Variants in CFAP54 observed in about 807,000 individuals in gnomAD.
CFAP54 encodes cilia- and flagella-associated protein 54.
CFAP54 carries 290 observed loss-of-function variants against 370.4 expected under a neutral mutation model. The observed-to-expected ratio is 0.78, with a 90% CI of 0.71 to 0.86. The LOEUF is 0.86. Among genes scored for constraint, CFAP54 ranks in the 40% least tolerant of loss-of-function variants. CFAP54 has a pLI of 0.00. For synonymous variants in CFAP54, 1,206 were observed against 1,236.5 expected, an observed-to-expected ratio of 0.98 and a Z score of 0.52; for missense variants, 3,399 against 3,528.7, an observed-to-expected ratio of 0.96 and a Z score of 0.93.
At chr12:96,646,322 A>T (rs995761408) in intron 33 of CFAP54, 5 of 152,362 alleles carry the variant, frequency 3.3e-5, no homozygotes, top group East Asian at 1.9e-4. Context: ...GAATACATTT[A>T]TGCAGCCAAA....
chr12:96,725,605 A>G (rs1252734627), intron 50 of CFAP54, among the ~76,000 whole-genome samples: 1 of 152,210 alleles, frequency 6.6e-6, no homozygotes, highest in Non-Finnish European at 1.5e-5. Context: ...TAGATATACA[A>G]TCATGTCATC....
At chr12:96,866,772 C>G (rs1402256902) in intron 67 of CFAP54, among the ~76,000 whole-genome samples, 1 of 152,040 alleles carries the variant, frequency 6.6e-6, no homozygotes, top group Non-Finnish European at 1.5e-5. Context: ...AATAAGTTAC[C>G]CAGAAGTCAA....
At chr12:96,705,083 A>G (rs887870010) in intron 47 of CFAP54, among the ~76,000 whole-genome samples, 2 of 152,188 alleles carry the variant, frequency 1.3e-5, no homozygotes, top group East Asian at 1.9e-4. Flanking sequence ...TTGGCAGTCT[A>G]TCTCTCCTAG....
chr12:96,542,666 G>T (rs543807133), intron 14 of CFAP54, among the ~76,000 whole-genome samples: 1 of 152,246 alleles, frequency 6.6e-6, no homozygotes, highest in African/African-American at 2.4e-5. Flanking sequence ...GTGTATGTGT[G>T]TATCTAACTA....
intron 67 of CFAP54, among the ~76,000 whole-genome samples, chr12:96,870,895 G>A (rs923568923): frequency 6.6e-6 from 1 of 152,162 alleles, no homozygotes; most frequent in South Asian, 2.1e-4. Context: ...TTGAAATATG[G>A]AAACAAACTA....
intron 57 of CFAP54, among the ~76,000 whole-genome samples, 175 bp from the exon 58 acceptor site, chr12:96,757,320 G>A (rs1958271662): frequency 6.6e-6 from 1 of 152,158 alleles, no homozygotes; most frequent in African/African-American, 2.4e-5. Flanking sequence ...ATTTTAGTAG[G>A]GAGGAAGATG....
At chr12:96,788,042 G>A (rs913232036) in intron 62 of CFAP54, among the ~76,000 whole-genome samples, 10 of 151,486 alleles carry the variant, frequency 6.6e-5, no homozygotes, top group Non-Finnish European at 1.5e-4. Context: ...TCAGCCTCCC[G>A]AAAAAGTGAG....
At chr12:96,729,098 C>A (rs1957882503) in intron 50 of CFAP54, among the ~76,000 whole-genome samples, 1 of 152,048 alleles carries the variant, frequency 6.6e-6, no homozygotes, top group East Asian at 1.9e-4. Context: ...CTGGGGGGTG[C>A]CTGCCAGTTA....
At chr12:96,649,832 GT>G in intron 34 of CFAP54, 58 bp from the exon 35 acceptor site, 1 of 1,188,478 alleles carries the variant, frequency 8.4e-7, no homozygotes, top group Non-Finnish European at 1.2e-6. Context: ...CACCTACTGT[GT>G]TTTCTGGAAC....
intron 26 of CFAP54, among the ~76,000 whole-genome samples, chr12:96,619,851 A>T (rs146318912): frequency 2.6e-5 from 4 of 152,314 alleles, no homozygotes; most frequent in African/African-American, 7.2e-5. Context: ...TTTCATAATG[A>T]GATTTGACTG....
In CFAP54 at chr12:96,644,203, G is replaced by A. The variant is rs1175425585; in HGVS notation, c.4342G>A (p.Ala1448Thr). Reference protein sequence around the residue: ...ERNRRTSVRKAAQRYLMDYLN... With the variant: ...ERNRRTSVRKTAQRYLMDYLN... ...AAATAGGAGAACCAGTGTTAGGAAA[G>A]CAGCACAACGATACCTGATGGATTA... Residue 1448 changes from alanine (A) to threonine (T), a missense_variant, in exon 33 of 68, where the codon GCA becomes ACA. Physicochemically the swap from Ala to Thr is moderately conservative, Grantham distance 58. Coordinates refer to ENST00000524981, the MANE Select transcript of CFAP54 (RefSeq NM_001306084.2). 6.5e-7 allele frequency: 1 copy of A among 1,535,398 alleles called. No homozygotes were observed. Among genetic ancestry groups the A allele is most frequent in the East Asian group, 2.4e-5 (1 of 40,908 alleles).
At chr12:96,622,861 AC>A (rs527657314) in intron 27 of CFAP54, among the ~76,000 whole-genome samples, 15 of 151,734 alleles carry the variant, frequency 9.9e-5, no homozygotes, top group African/African-American at 3.4e-4. Context: ...AAGCTATAAT[AC>A]TTTTTTTTTT....
intron 36 of CFAP54, among the ~76,000 whole-genome samples, chr12:96,653,475 A>G (rs1956884517): frequency 6.6e-6 from 1 of 152,254 alleles, no homozygotes; most frequent in Admixed American, 6.5e-5. Flanking sequence ...TAATATAGGA[A>G]GAAAAATCTC....
chr12:96,498,546 G>T (rs185473820), intron 1 of CFAP54, among the ~76,000 whole-genome samples: 12 of 152,180 alleles, frequency 7.9e-5, no homozygotes, highest in African/African-American at 2.6e-4. Flanking sequence ...CCAGCTACTC[G>T]GGAGGCTGAG....
chr12:96,729,127 G>A (rs1302032218), intron 50 of CFAP54, among the ~76,000 whole-genome samples: 2 of 151,886 alleles, frequency 1.3e-5, no homozygotes, highest in African/African-American at 2.4e-5. Flanking sequence ...GGGGGTCAGG[G>A]GTCGGGGACC....
At chr12:96,521,545 T>TGC (rs1955317718) in intron 6 of CFAP54, among the ~76,000 whole-genome samples, 1 of 41,274 alleles carries the variant, frequency 2.4e-5, no homozygotes, top group African/African-American at 9.3e-5. Flanking sequence ...TGTGTGTGTG[T>TGC]GTGCGCGTGC....
intron 49 of CFAP54, among the ~76,000 whole-genome samples, chr12:96,719,025 C>T (rs531549336): frequency 7.3e-5 from 11 of 150,732 alleles, no homozygotes; most frequent in African/African-American, 1.7e-4. Context: ...GCAAAAAGAG[C>T]GAAACTCCAT....
At chr12:96,765,272 A>C in intron 60 of CFAP54, 54 bp downstream of exon 60, 1 of 1,355,470 alleles carries the variant, frequency 7.4e-7, no homozygotes, top group Middle Eastern at 2.0e-4. Context: ...GTAATATAGA[A>C]TCAAGTTTCA....
At chr12:96,757,299 C>G (rs1019336) in intron 57 of CFAP54, among the ~76,000 whole-genome samples, 196 bp from the exon 58 acceptor site, 55,017 of 151,974 alleles carry the variant, frequency 0.36, 10,846 homozygotes, top group East Asian at 0.58. Flanking sequence ...AGCTCTCTTC[C>G]AGAACTTCCA....
Sources: gnomAD v4.1 joint callset for allele counts (sites outside exome capture counted in the v4.1 genomes callset) on GRCh38, gnomAD v4.1.1 for gene constraint, MANE v1.5 for transcripts, NCBI Gene and HGNC (gene_info 2026-07-23, HGNC 2026-07-21) for gene names.